The following SPON1 variants were observed in gnomAD, a reference collection of about 807,000 sequenced individuals.
The protein encoded by SPON1 is spondin 1, also known as spondin-1.
A neutral mutation model predicts 111.7 loss-of-function variants in SPON1; 52 were observed. The ratio of observed to expected loss-of-function variants is 0.47; its 90% CI spans 0.37 to 0.59. The LOEUF is 0.59. Ranked by LOEUF, SPON1 falls within the 20% of genes least tolerant of loss-of-function variation. The pLI, the probability that SPON1 is intolerant of heterozygous loss-of-function variation, is 0.00. For synonymous variants in SPON1, 410 were observed against 395.8 expected, an observed-to-expected ratio of 1.04 and a Z score of -0.43; for missense variants, 957 against 1,068.5, an observed-to-expected ratio of 0.90 and a Z score of 1.46.
intron 6 of SPON1, among the ~76,000 whole-genome samples, chr11:14,212,025 ATCAC>A (rs1410089444): frequency 6.6e-6 from 1 of 152,174 alleles, no homozygotes; most frequent in Non-Finnish European, 1.5e-5. Flanking sequence ...AGTAAATAGT[ATCAC>A]TCCAAGTAAA....
chr11:14,167,986 A>C (rs1226240898), intron 6 of SPON1, among the ~76,000 whole-genome samples: 1 of 152,202 alleles, frequency 6.6e-6, no homozygotes, highest in African/African-American at 2.4e-5. Flanking sequence ...CATTCTCTTT[A>C]ACAAAATCCA....
intron 6 of SPON1, among the ~76,000 whole-genome samples, chr11:14,176,791 C>G (rs1423950305): frequency 6.6e-6 from 1 of 152,122 alleles, no homozygotes; most frequent in Non-Finnish European, 1.5e-5. Context: ...GCTTCTGGAT[C>G]CATCCATAAA....
chr11:14,025,523 C>T (rs1233238758), intron 2 of SPON1, among the ~76,000 whole-genome samples: 2 of 152,172 alleles, frequency 1.3e-5, no homozygotes, highest in African/African-American at 4.8e-5. Flanking sequence ...CACTGCTGCC[C>T]TGGCCCCATG....
chr11:14,213,229 G>C (rs895066852), intron 6 of SPON1, among the ~76,000 whole-genome samples: 3 of 152,154 alleles, frequency 2.0e-5, no homozygotes, highest in Admixed American at 2.0e-4. Context: ...ATGAAACTCT[G>C]TGTCCAAATA....
At chr11:14,210,551 C>T (rs1848565375) in intron 6 of SPON1, among the ~76,000 whole-genome samples, 6 of 152,054 alleles carry the variant, frequency 3.9e-5, no homozygotes, top group African/African-American at 1.4e-4. Context: ...AGGCACAAGC[C>T]ACCATGCCTG....
chr11:14,057,381 CTG>C (rs1260363288), intron 3 of SPON1, among the ~76,000 whole-genome samples: 6 of 152,254 alleles, frequency 3.9e-5, no homozygotes, highest in Admixed American at 1.3e-4. Flanking sequence ...AAGTCAAAGA[CTG>C]AGGAAGATTC....
intron 3 of SPON1, among the ~76,000 whole-genome samples, chr11:14,055,323 C>A (rs1223907530): frequency 1.3e-5 from 2 of 152,144 alleles, no homozygotes; most frequent in Non-Finnish European, 2.9e-5. Flanking sequence ...ATGTCCTGGA[C>A]CCCAGCTCTG....
intron 6 of SPON1, among the ~76,000 whole-genome samples, chr11:14,208,861 T>G (rs1342508235): frequency 6.6e-6 from 1 of 152,184 alleles, no homozygotes; most frequent in East Asian, 1.9e-4. Context: ...TATTAATTAT[T>G]ATTGCTTCAT....
In SPON1 at chr11:14,083,815, G is replaced by A. The variant is rs537241746; in HGVS notation, c.676+3794G>A. ...TCATTGGCAACAAATACTGTCAGTT[G>A]TTTTCCTTGAAGTGACAGGATCACT... On this transcript the variant is annotated intron_variant, in intron 5 of 15. Transcript: ENST00000576479. Among the ~76,000 whole-genome samples, 3 of 152,308 alleles carry A rather than the reference G, an allele frequency of 2.0e-5. 1 individual carries two copies. In the South Asian group the frequency reaches 6.2e-4, roughly 32 times the overall value.
intron 5 of SPON1, among the ~76,000 whole-genome samples, chr11:14,125,403 C>CTAAGAAA (rs1554926921): frequency 6.6e-6 from 1 of 152,090 alleles, no homozygotes; most frequent in African/African-American, 2.4e-5. Context: ...AGTTCATCTA[C>CTAAGAAA]TAAGAAATAA....
intron 5 of SPON1, among the ~76,000 whole-genome samples, chr11:14,127,180 G>A (rs1309498815): frequency 6.6e-6 from 1 of 152,004 alleles, no homozygotes; most frequent in African/African-American, 2.4e-5. Context: ...AACACTAGGA[G>A]GCTGATCATA....
In SPON1 at chr11:14,228,643, T is replaced by C. The variant is rs1464483989; in HGVS notation, c.826-14689T>C. Reference sequence around the variant, plus strand: ...TTTGACCTCACATTAGGCTGTGTTATCTAGCCAATGCCAAAGAACTGACAG... The same window carrying C: ...TTTGACCTCACATTAGGCTGTGTTACCTAGCCAATGCCAAAGAACTGACAG... On this transcript the variant is annotated intron_variant, in intron 6 of 15. Transcript: ENST00000576479. The surrounding 1 kb of genome is among the most constrained non-coding windows in gnomAD (Gnocchi z 4.2). 6.6e-5 allele frequency among the ~76,000 whole-genome samples: 10 copies of C among 152,200 alleles called. No individual in the cohort carries two copies. Among genetic ancestry groups the C allele is most frequent in the African/African-American group, 2.4e-4 (10 of 41,440 alleles).
chr11:14,009,175 G>A (rs1554913490), intron 2 of SPON1, among the ~76,000 whole-genome samples: 1 of 152,178 alleles, frequency 6.6e-6, no homozygotes. Context: ...CACAGTAGCT[G>A]TTCAATAAAT....
At position 14,254,639 on chromosome 11, in the gene SPON1, T is replaced by C; in HGVS notation, c.1002T>C (p.Asp334=). The C allele has an allele frequency of 6.2e-7, 1 of 1,614,000 alleles. No individual in the cohort carries two copies. Among genetic ancestry groups the C allele is most frequent in the Non-Finnish European group, 8.5e-7 (1 of 1,179,884 alleles). ...PDWNVGLSAE[D]LCTKECGWVQ... is the part of the protein sequence containing the mutation. ...GGAACGTAGGCTTATCTGCAGAAGA[T>C]CTGTGCACCAAGGAATGTGGCTGGG... The change falls in exon 8 of 16, where the codon GAT becomes GAC. Residue 334 remains aspartate (D), a synonymous_variant. Coordinates refer to ENST00000576479, the MANE Select transcript of SPON1 (RefSeq NM_006108.4).
At chr11:14,022,110 A>C (rs868925890) in intron 2 of SPON1, among the ~76,000 whole-genome samples, 1 of 152,336 alleles carries the variant, frequency 6.6e-6, no homozygotes, top group East Asian at 1.9e-4. Flanking sequence ...TAAAAGAAAA[A>C]GCCAAAAAAA....
chr11:14,114,454 A>G (rs11827730), intron 5 of SPON1, among the ~76,000 whole-genome samples: 3,671 of 152,292 alleles, frequency 0.024, 149 homozygotes, highest in African/African-American at 0.083. Flanking sequence ...CATCTCACTC[A>G]GTTCACTGGA....
chr11:14,199,405 C>CCACCAAGA (rs1477558046), intron 6 of SPON1, among the ~76,000 whole-genome samples: 2 of 152,082 alleles, frequency 1.3e-5, no homozygotes, highest in Admixed American at 1.3e-4. Context: ...CAACAGTTGA[C>CCACCAAGA]CACCAAGACA....
At chr11:14,235,034 G>A (rs547383925) in intron 6 of SPON1, among the ~76,000 whole-genome samples, 62 of 152,276 alleles carry the variant, frequency 4.1e-4, no homozygotes, top group African/African-American at 1.4e-3. Flanking sequence ...CTCTGACCAC[G>A]GTTCCCAAAG....
At chr11:14,234,129 C>G (rs114479547) in intron 6 of SPON1, among the ~76,000 whole-genome samples, 102 of 152,282 alleles carry the variant, frequency 6.7e-4, no homozygotes, top group African/African-American at 2.2e-3. Context: ...GAAAGGGGCA[C>G]TACCCTTACA....
Sources: allele counts gnomAD v4.1 joint callset (sites outside exome capture counted in the v4.1 genomes callset), GRCh38; gene constraint gnomAD v4.1.1; non-coding constraint Gnocchi (gnomAD v3.1); transcripts MANE v1.5; gene names NCBI Gene and HGNC (gene_info 2026-07-23, HGNC 2026-07-21).